UBXN7: variants seen among roughly 807,000 people sequenced by gnomAD.
The protein encoded by UBXN7 is UBX domain protein 7.
In UBXN7, 9 loss-of-function variants were observed where a neutral mutation model predicts 58.0. The ratio of observed to expected loss-of-function variants is 0.16; its 90% CI spans 0.09 to 0.27. The LOEUF (loss-of-function observed/expected upper bound fraction) is 0.27. Ranked by LOEUF, UBXN7 falls within the 10% of genes least tolerant of loss-of-function variation. UBXN7 has a pLI of 1.00. For synonymous variants in UBXN7, 208 were observed against 205.0 expected (o/e 1.01, Z -0.12); for missense variants, 328 against 599.6 (o/e 0.55, Z 4.73).
chr3:196,388,436 T>A (rs1319597653), intron 5 of UBXN7, among the ~76,000 whole-genome samples: 1 of 151,790 alleles, frequency 6.6e-6, no homozygotes, highest in Non-Finnish European at 1.5e-5. Flanking sequence ...ACCCTAGAAC[T>A]TAAAGTATAA....
At chr3:196,372,328 T>TCTCTCTCTCTC (rs1173128048) in intron 5 of UBXN7, among the ~76,000 whole-genome samples, 3 of 103,868 alleles carry the variant, frequency 2.9e-5, no homozygotes, top group Non-Finnish European at 6.7e-5. Flanking sequence ...CTCTCTCTCC[T>TCTCTCTCTCTC]TTCTTTCTTT....
chr3:196,415,504 C>T (rs868358254), intron 1 of UBXN7, among the ~76,000 whole-genome samples: 2 of 143,522 alleles, frequency 1.4e-5, no homozygotes, highest in South Asian at 2.6e-4. Flanking sequence ...AGGCTGGGTG[C>T]GGTGGCTCAC....
At chr3:196,383,774 A>G (rs1729288046) in intron 5 of UBXN7, among the ~76,000 whole-genome samples, 2 of 152,260 alleles carry the variant, frequency 1.3e-5, no homozygotes, top group Non-Finnish European at 2.9e-5. Flanking sequence ...ACAACGTAAC[A>G]GAATCTCTGG....
chr3:196,424,070 T>C (rs1730772128), intron 1 of UBXN7, among the ~76,000 whole-genome samples: 1 of 151,832 alleles, frequency 6.6e-6, no homozygotes, highest in South Asian at 2.1e-4. Context: ...TTTGTATTTT[T>C]AGTGGAGACA....
intron 3 of UBXN7, chr3:196,397,708 G>C (rs1729819525): frequency 7.2e-5 from 11 of 152,228 alleles, no homozygotes. Flanking sequence ...AGAACTCCTG[G>C]GGCTCAAGCC....
intron 1 of UBXN7, among the ~76,000 whole-genome samples, chr3:196,425,443 C>A (rs893407946): frequency 1.3e-5 from 2 of 151,122 alleles, no homozygotes; most frequent in Admixed American, 1.3e-4. Flanking sequence ...AATTTTAATA[C>A]ATTTTGTAGA....
At chr3:196,361,428 A>T (rs1728502432) in intron 10 of UBXN7, among the ~76,000 whole-genome samples, 1 of 152,244 alleles carries the variant, frequency 6.6e-6, no homozygotes, top group Non-Finnish European at 1.5e-5. Flanking sequence ...AAATTCTGAG[A>T]AGACTGACTC....
intron 8 of UBXN7, among the ~76,000 whole-genome samples, chr3:196,365,272 T>C (rs556922101): frequency 1.5e-5 from 2 of 135,778 alleles, no homozygotes; most frequent in South Asian, 2.3e-4. Context: ...AAAAAGAGTA[T>C]ACATCCAGGA....
intron 1 of UBXN7, among the ~76,000 whole-genome samples, chr3:196,421,588 G>A (rs556350994): frequency 1.3e-5 from 2 of 151,924 alleles, no homozygotes; most frequent in South Asian, 4.2e-4. Context: ...TGGCCAACAT[G>A]GTGAAACCCC....
In UBXN7 at chr3:196,356,058, T is replaced by C. The variant is rs1728337646; in HGVS notation, c.*627A>G. On this transcript the variant is annotated 3_prime_UTR_variant, in exon 11 of 11. Coordinates refer to ENST00000296328, the MANE Select transcript of UBXN7 (RefSeq NM_015562.2). ...TAACACATGTCATGGAAATAGTCCT[T>C]ATAGCTGGGAACATGAAAATCCTTT... 1 of 152,680 alleles carries C rather than the reference T, an allele frequency of 6.5e-6. No individual in the cohort carries two copies. Among genetic ancestry groups the C allele is most frequent in the Non-Finnish European group, 1.5e-5 (1 of 68,062 alleles). 9.5% of individuals were successfully genotyped at this position (152,680 alleles called of 1,614,324 possible). A position where few individuals can be genotyped will look rare whatever the true frequency, so the allele number is the denominator to read the frequency against.
intron 6 of UBXN7, 124 bp downstream of exon 6, chr3:196,371,772 T>C (rs1200425852): frequency 1.3e-5 from 16 of 1,251,896 alleles, no homozygotes; most frequent in Non-Finnish European, 1.6e-5. Flanking sequence ...CGTGAGCTAC[T>C]GCCCCCAGCC....
intron 5 of UBXN7, among the ~76,000 whole-genome samples, chr3:196,379,778 T>C (rs1288959981): frequency 1.3e-5 from 2 of 152,116 alleles, no homozygotes; most frequent in African/African-American, 2.4e-5. Flanking sequence ...GCCAGAAAGA[T>C]GTTACTGGGC....
At chr3:196,395,199 C>T (rs1349880663) in intron 3 of UBXN7, among the ~76,000 whole-genome samples, 4 of 152,140 alleles carry the variant, frequency 2.6e-5, no homozygotes, top group Admixed American at 1.3e-4. Flanking sequence ...ATCCCCTTAA[C>T]GCGTGTCAAA....
At position 196,401,275 on chromosome 3, in the gene UBXN7, ATATATAT is replaced by A. The variant is rs1237473710; in HGVS notation, c.289+1670_289+1676del. Among the ~76,000 whole-genome samples the A allele has an allele frequency of 1.3e-4, 5 of 37,754 alleles. No individual in the cohort carries two copies. In the East Asian group the frequency reaches 5.7e-3, roughly 43 times the overall value. The allele number at this position is 37,754 out of a possible 152,430, so 24.8% of individuals were successfully genotyped here. A position where few individuals can be genotyped will look rare whatever the true frequency, so the allele number is the denominator to read the frequency against. On this transcript the variant is annotated intron_variant, in intron 3 of 10. Transcript: ENST00000296328. The stretch of plus-strand genomic sequence containing the variant: ...AAAAAAAAAAAAAAAAAAAAAAAAA[ATATATAT>A]ATATATATATATATATACACACACA...
intron 1 of UBXN7, chr3:196,414,561 T>C (rs1730423736): frequency 6.6e-6 from 1 of 152,252 alleles, no homozygotes. Context: ...CGGCATCATC[T>C]AGGCAGTTCC....
chr3:196,362,824 G>A lies in UBXN7; in HGVS notation c.835-137C>T, dbSNP rs1027869325. The A allele has an allele frequency of 1.1e-5, 13 of 1,132,974 alleles. No homozygotes were observed. In the African/African-American group the frequency reaches 2.0e-4, roughly 18 times the overall value. The allele number at this position is 1,132,974 out of a possible 1,614,324, so 70.2% of individuals were successfully genotyped here. A position where few individuals can be genotyped will look rare whatever the true frequency, so the allele number is the denominator to read the frequency against. On this transcript the variant is annotated intron_variant, in intron 8 of 10. Transcript: ENST00000296328. ...GTATCCCTTCTACTTTAAGAGCAAGGACTGTGTCTTACACAGCCAAATTGG... is the reference window on the plus strand; with the variant it reads ...GTATCCCTTCTACTTTAAGAGCAAGAACTGTGTCTTACACAGCCAAATTGG...
At chr3:196,396,919 C>T (rs1729793429) in intron 3 of UBXN7, among the ~76,000 whole-genome samples, 1 of 152,182 alleles carries the variant, frequency 6.6e-6, no homozygotes, top group Admixed American at 6.5e-5. Context: ...ACCTTTCCAA[C>T]CTCCCCCTTC....
At chr3:196,390,526 G>A (rs565789176) in intron 5 of UBXN7, among the ~76,000 whole-genome samples, 2 of 152,206 alleles carry the variant, frequency 1.3e-5, no homozygotes, top group East Asian at 3.9e-4. Context: ...CAGATCATGA[G>A]GTCAGGAGTT....
chr3:196,360,926 C>T (rs192189734), intron 10 of UBXN7, among the ~76,000 whole-genome samples: 61 of 152,144 alleles, frequency 4.0e-4, no homozygotes, highest in African/African-American at 1.3e-3. Context: ...TCACTTGAGC[C>T]GGGGCGGGGA....
Sources: gnomAD v4.1 joint callset for allele counts (sites outside exome capture counted in the v4.1 genomes callset) on GRCh38, gnomAD v4.1.1 for gene constraint, MANE v1.5 for transcripts, NCBI Gene and HGNC (gene_info 2026-07-23, HGNC 2026-07-21) for gene names.